BCAR3: variants seen among roughly 807,000 people sequenced by gnomAD.
BCAR3 encodes breast cancer anti-estrogen resistance protein 3.
BCAR3 carries 37 observed loss-of-function variants against 80.1 expected under a neutral mutation model. The ratio of observed to expected loss-of-function variants is 0.46; its 90% CI spans 0.36 to 0.61. BCAR3 has a LOEUF of 0.61. BCAR3 is among the 20% of genes least tolerant of loss of function. BCAR3 has a pLI of 0.00. For missense variants in BCAR3, 978 were observed against 1,068.2 expected, an observed-to-expected ratio of 0.92 and a Z score of 1.18; for synonymous variants, 389 against 418.9, an observed-to-expected ratio of 0.93 and a Z score of 0.87.
intron 3 of BCAR3, among the ~76,000 whole-genome samples, chr1:93,620,926 C>T (rs1675285887): frequency 6.6e-6 from 1 of 152,216 alleles, no homozygotes; most frequent in African/African-American, 2.4e-5. Flanking sequence ...TCCCTAATGG[C>T]AGGAATCTGC....
rs1034222794 is a variant in BCAR3, at chr1:93,582,951, A to G, written c.1036T>C (p.Cys346Arg). Residue 346 changes from cysteine (C) to arginine (R), a missense_variant and splice_region_variant, in exon 7 of 12, where the codon TGC becomes CGC. Transcript: ENST00000260502. ...CCCGAGGACTGAGGTGGCAGCTTGC[A>G]GCCTGTGGGGGATAAGAAAAGGTCA... ...HQSESYLPIG[C>R]KLPPQSSGVD... The G allele has an allele frequency of 3.3e-5, 52 of 1,583,856 alleles. No individual in the cohort carries two copies. The highest frequency in any genetic ancestry group is 4.5e-5 in the Non-Finnish European group (52 of 1,168,472).
At chr1:93,731,662 T>C in intron 2 of BCAR3, among the ~76,000 whole-genome samples, 1 of 123,074 alleles carries the variant, frequency 8.1e-6, no homozygotes, top group Non-Finnish European at 1.7e-5. Flanking sequence ...TAAAATAAAA[T>C]AAAATAAAAT....
intron 2 of BCAR3, among the ~76,000 whole-genome samples, chr1:93,757,716 C>T (rs1173108103): frequency 6.6e-6 from 1 of 152,194 alleles, no homozygotes; most frequent in Non-Finnish European, 1.5e-5. Flanking sequence ...AGTCTCCAGG[C>T]ATTGCTTCTC....
intron 2 of BCAR3, among the ~76,000 whole-genome samples, chr1:93,649,241 G>A (rs1326075679): frequency 6.6e-6 from 1 of 152,156 alleles, no homozygotes; most frequent in African/African-American, 2.4e-5. Context: ...TTCACCCAGG[G>A]GTGGGTTGGG....
intron 1 of BCAR3, among the ~76,000 whole-genome samples, chr1:93,679,838 ACT>A (rs1164003667): frequency 1.3e-5 from 2 of 152,046 alleles, no homozygotes; most frequent in African/African-American, 2.4e-5. Context: ...TTTGGATTTT[ACT>A]CTTTTATTTC....
rs762235306 is a variant in BCAR3 at position 93,674,609 on chromosome 1, G to GT, written c.317+4dup. Reference sequence around the variant, plus strand: ...CATCTTCACTAGTGAAATTACAGAAGTTACCTGAAGGTGAAGGTTTCGCCG... The same window carrying GT: ...CATCTTCACTAGTGAAATTACAGAAGTTTACCTGAAGGTGAAGGTTTCGCCG... On this transcript the variant is annotated splice_donor_region_variant and intron_variant, in intron 2 of 11. Coordinates refer to ENST00000260502, the MANE Select transcript of BCAR3 (RefSeq NM_003567.4). 2 of 1,610,666 alleles carry GT rather than the reference G, an allele frequency of 1.2e-6. No homozygotes were observed. Among genetic ancestry groups the GT allele is most frequent in the Admixed American group, 3.4e-5 (2 of 58,774 alleles).
chr1:93,700,793 C>T (rs1393136811), intron 3 of BCAR3, among the ~76,000 whole-genome samples: 1 of 152,232 alleles, frequency 6.6e-6, no homozygotes, highest in Non-Finnish European at 1.5e-5. Context: ...AGCGGAATTC[C>T]ACAGGAAGAA....
chr1:93,606,525 A>ACTCAGT (rs1674776392), intron 3 of BCAR3, among the ~76,000 whole-genome samples: 1 of 152,214 alleles, frequency 6.6e-6, no homozygotes, highest in African/African-American at 2.4e-5. Context: ...TGAGCCACCA[A>ACTCAGT]CATCCAATAA....
chr1:93,573,620 TA>T (rs1673319884), intron 8 of BCAR3, among the ~76,000 whole-genome samples: 9 of 141,536 alleles, frequency 6.4e-5, no homozygotes, highest in Admixed American at 2.8e-4. Context: ...TTATTATTAT[TA>T]TTATTATTAT....
chr1:93,797,424 A>C (rs1420954471), intron 2 of BCAR3, among the ~76,000 whole-genome samples: 1 of 152,116 alleles, frequency 6.6e-6, no homozygotes. Flanking sequence ...TCTTTTTACA[A>C]TTTAGTTTGT....
intron 3 of BCAR3, among the ~76,000 whole-genome samples, chr1:93,700,749 G>A (rs1182638964): frequency 6.6e-6 from 1 of 152,236 alleles, no homozygotes; most frequent in Non-Finnish European, 1.5e-5. Flanking sequence ...TTCTCCTGTG[G>A]AGAACAAATG....
chr1:93,669,047 T>C (rs1648074786), intron 2 of BCAR3, among the ~76,000 whole-genome samples: 1 of 152,114 alleles, frequency 6.6e-6, no homozygotes, highest in Non-Finnish European at 1.5e-5. Flanking sequence ...ATCCAATTTT[T>C]TTCTCCAAAA....
chr1:93,774,435 G>C (rs1245172743), intron 2 of BCAR3, among the ~76,000 whole-genome samples: 1 of 148,498 alleles, frequency 6.7e-6, no homozygotes. Context: ...AGTGAGCCGA[G>C]ATCGGACCAC....
chr1:93,636,267 C>T (rs1476262872), intron 3 of BCAR3, among the ~76,000 whole-genome samples: 1 of 152,200 alleles, frequency 6.6e-6, no homozygotes, highest in Non-Finnish European at 1.5e-5. Flanking sequence ...CTCAGGATAA[C>T]AGCTGCAGCC....
rs527853937 is a variant in BCAR3, at chr1:93,672,474, G to A, written c.317+2140C>T. On this transcript the variant is annotated intron_variant, in intron 2 of 11. Transcript: ENST00000260502. ...CAGTTTAAGTTAATAAATGAAAAGC[G>A]GTCCACCATAAGCCAGCTAACAGTT... Among the ~76,000 whole-genome samples, 4 of 152,240 alleles carry A rather than the reference G, an allele frequency of 2.6e-5. No individual in the cohort carries two copies. The South Asian group carries it at 6.2e-4, about 24-fold the overall frequency.
intron 2 of BCAR3, among the ~76,000 whole-genome samples, chr1:93,643,177 A>G (rs553859342): frequency 1.3e-5 from 2 of 150,046 alleles, no homozygotes; most frequent in East Asian, 2.0e-4. Context: ...CGGCGAGCCA[A>G]GATCACACCA....
intron 2 of BCAR3, among the ~76,000 whole-genome samples, chr1:93,795,407 C>A (rs1653231960): frequency 9.3e-6 from 1 of 107,756 alleles, no homozygotes; most frequent in Admixed American, 1.1e-4. Context: ...TGATTCATTT[C>A]ATCTTCCATT....
intron 2 of BCAR3, among the ~76,000 whole-genome samples, chr1:93,788,764 A>G (rs971112908): frequency 1.2e-4 from 19 of 152,062 alleles, no homozygotes; most frequent in Non-Finnish European, 2.6e-4. Flanking sequence ...AAATATTCCT[A>G]TAACTTCATT....
At position 93,614,200 on chromosome 1, in the gene BCAR3, C is replaced by T. The variant is rs540598684; in HGVS notation, c.358-21807G>A. On this transcript the variant is annotated intron_variant, in intron 3 of 11. Transcript: ENST00000260502. The stretch of plus-strand genomic sequence containing the variant: ...CACAGTGCCAGAAATTCTCATGTGA[C>T]CAGACTTGCTTTCTGATGAAATTCT... The T allele has an allele frequency of 7.4e-6, 9 of 1,216,910 alleles. No homozygotes were observed. In the African/African-American group the frequency reaches 1.2e-4, roughly 17 times the overall value. 75.4% of individuals were successfully genotyped at this position (1,216,910 alleles called of 1,614,324 possible). A position where few individuals can be genotyped will look rare whatever the true frequency, so the allele number is the denominator to read the frequency against.
Sources: gnomAD v4.1 joint callset for allele counts (sites outside exome capture counted in the v4.1 genomes callset) on GRCh38, gnomAD v4.1.1 for gene constraint, MANE v1.5 for transcripts, NCBI Gene and HGNC (gene_info 2026-07-23, HGNC 2026-07-21) for gene names.